SPATS2L: variants seen among roughly 807,000 people sequenced by gnomAD.
SPATS2L encodes spermatogenesis associated serine rich 2 like.
A neutral mutation model predicts 59.6 loss-of-function variants in SPATS2L; 30 were observed. The ratio of observed to expected loss-of-function variants is 0.50; its 90% CI spans 0.38 to 0.68. The LOEUF (loss-of-function observed/expected upper bound fraction) is 0.68, where lower values mean the gene tolerates loss of function less well. Among genes scored for constraint, SPATS2L ranks in the 30% least tolerant of loss-of-function variants. SPATS2L has a pLI of 0.00. For synonymous variants in SPATS2L, 252 were observed against 263.5 expected, an observed-to-expected ratio of 0.96 and a Z score of 0.42; for missense variants, 615 against 700.0, an observed-to-expected ratio of 0.88 and a Z score of 1.37.
chr2:200,477,223 A>G (rs2087597359), intron 12 of SPATS2L, among the ~76,000 whole-genome samples: 1 of 152,142 alleles, frequency 6.6e-6, no homozygotes, highest in South Asian at 2.1e-4. Flanking sequence ...TTTTCTGTGT[A>G]CAATTTCTGT....
At chr2:200,375,604 G>A (rs2081572629) in intron 2 of SPATS2L, among the ~76,000 whole-genome samples, 1 of 152,136 alleles carries the variant, frequency 6.6e-6, no homozygotes, top group Non-Finnish European at 1.5e-5. Flanking sequence ...AAATGATGTG[G>A]CTAGAACAAT....
chr2:200,458,369 A>T (rs777497900), intron 8 of SPATS2L, among the ~76,000 whole-genome samples: 3 of 150,164 alleles, frequency 2.0e-5, no homozygotes, highest in Non-Finnish European at 3.0e-5. Flanking sequence ...ATTCAGTCTC[A>T]TTTTTTTTCA....
chr2:200,397,073 T>C (rs2082378208), intron 3 of SPATS2L, among the ~76,000 whole-genome samples: 2 of 152,210 alleles, frequency 1.3e-5, no homozygotes, highest in Admixed American at 6.5e-5. Flanking sequence ...TTTACTATTG[T>C]AGGATTAGCA....
intron 6 of SPATS2L, among the ~76,000 whole-genome samples, chr2:200,420,502 G>C (rs2083264789): frequency 1.3e-5 from 2 of 152,198 alleles, no homozygotes; most frequent in Non-Finnish European, 2.9e-5. Context: ...TGTACAGTAA[G>C]AGCTCAATAC....
chr2:200,348,555 C>T (rs2080599256), intron 2 of SPATS2L, among the ~76,000 whole-genome samples: 1 of 152,170 alleles, frequency 6.6e-6, no homozygotes, highest in South Asian at 2.1e-4. Flanking sequence ...GACTGGCTAT[C>T]TGAGCTGAGG....
At chr2:200,332,504 C>T (rs920638299) in intron 2 of SPATS2L, among the ~76,000 whole-genome samples, 5 of 152,098 alleles carry the variant, frequency 3.3e-5, no homozygotes, top group Non-Finnish European at 7.4e-5. Context: ...ACCTTGGTCT[C>T]CCACAGTGGT....
At chr2:200,456,891 G>A (rs1216794788) in intron 8 of SPATS2L, among the ~76,000 whole-genome samples, 1 of 152,042 alleles carries the variant, frequency 6.6e-6, no homozygotes, top group Non-Finnish European at 1.5e-5. Context: ...GCTTCTTCTT[G>A]CCATCGTCAT....
intron 11 of SPATS2L, 92 bp downstream of exon 11, chr2:200,470,108 C>A: frequency 1.0e-6 from 1 of 997,330 alleles, no homozygotes; most frequent in South Asian, 1.5e-5. Context: ...GCAGTCCCCC[C>A]AGGGGGCTAA....
intron 2 of SPATS2L, among the ~76,000 whole-genome samples, chr2:200,338,032 T>C (rs1467641622): frequency 6.6e-6 from 1 of 152,188 alleles, no homozygotes. Flanking sequence ...TTAACTTTTT[T>C]GTTGTTTTTT....
intron 4 of SPATS2L, among the ~76,000 whole-genome samples, chr2:200,414,259 G>T (rs975910390): frequency 6.6e-6 from 1 of 152,158 alleles, no homozygotes; most frequent in Admixed American, 6.5e-5. Context: ...TCAGTGTTGA[G>T]ATCTCATTAA....
chr2:200,353,743 A>T (rs2080816979), intron 2 of SPATS2L, among the ~76,000 whole-genome samples: 2 of 152,050 alleles, frequency 1.3e-5, no homozygotes, highest in African/African-American at 4.8e-5. Flanking sequence ...CACATAATCA[A>T]CTCTTACTGA....
chr2:200,467,504 C>A, intron 10 of SPATS2L, 105 bp downstream of exon 10: 1 of 747,490 alleles, frequency 1.3e-6, no homozygotes, highest in Non-Finnish European at 2.3e-6. Flanking sequence ...CTAACATGTA[C>A]ACCCAGCTCT....
intron 1 of SPATS2L, among the ~76,000 whole-genome samples, chr2:200,322,044 A>G (rs936731597): frequency 4.6e-5 from 7 of 152,224 alleles, no homozygotes; most frequent in African/African-American, 1.4e-4. Flanking sequence ...TGCCTTCTAC[A>G]AAATGTCACT....
chr2:200,328,415 T>A (rs2079825743), intron 1 of SPATS2L, among the ~76,000 whole-genome samples: 1 of 152,174 alleles, frequency 6.6e-6, no homozygotes, highest in African/African-American at 2.4e-5. Context: ...AAAAAGTTAG[T>A]CCAAAAGAAA....
intron 8 of SPATS2L, among the ~76,000 whole-genome samples, chr2:200,447,863 T>G (rs1292356036): frequency 6.6e-6 from 1 of 152,226 alleles, no homozygotes; most frequent in African/African-American, 2.4e-5. Context: ...CCCTGTTTAA[T>G]TATCAGGAAT....
At chr2:200,334,017 C>T (rs2080051844) in intron 2 of SPATS2L, among the ~76,000 whole-genome samples, 5 of 152,186 alleles carry the variant, frequency 3.3e-5, no homozygotes, top group Admixed American at 3.3e-4. Context: ...GGTATACACC[C>T]AGTGATGGGA....
intron 1 of SPATS2L, among the ~76,000 whole-genome samples, chr2:200,308,276 C>T (rs3769484): frequency 0.3 from 46,086 of 151,302 alleles, 7,725 homozygotes; most frequent in East Asian, 0.57. Context: ...CAACCAATAC[C>T]CTGAAAATAG....
At chr2:200,353,091 C>T (rs1029882913) in intron 2 of SPATS2L, among the ~76,000 whole-genome samples, 1 of 152,120 alleles carries the variant, frequency 6.6e-6, no homozygotes, top group Non-Finnish European at 1.5e-5. Context: ...TGACATCTGG[C>T]CTCTATCAAG....
At position 200,416,017 on chromosome 2, in the gene SPATS2L, A is replaced by G. The variant is rs186583521; in HGVS notation, c.149-362A>G. ...CAGAATCCCATATTTGGTTCAGAAG[A>G]TTATAGGTATTTTTATTCATATATC... On this transcript the variant is annotated intron_variant, in intron 4 of 12. Transcript: ENST00000409140. Among the ~76,000 whole-genome samples the G allele has an allele frequency of 1.5e-3, 226 of 152,322 alleles. 1 individual carries two copies. Among genetic ancestry groups the G allele is most frequent in the South Asian group, 4.1e-3 (20 of 4,828 alleles).
Sources: allele counts gnomAD v4.1 joint callset (sites outside exome capture counted in the v4.1 genomes callset), GRCh38; gene constraint gnomAD v4.1.1; transcripts MANE v1.5; gene names NCBI Gene and HGNC (gene_info 2026-07-23, HGNC 2026-07-21).